PRUNE2: variants seen among roughly 807,000 people sequenced by gnomAD.
The protein encoded by PRUNE2 is protein prune homolog 2.
In PRUNE2, 164 loss-of-function variants were observed where a neutral mutation model predicts 252.0. The ratio of observed to expected loss-of-function variants is 0.65; its 90% CI spans 0.57 to 0.74. PRUNE2 has a LOEUF of 0.74. Ranked by LOEUF, PRUNE2 falls within the 30% of genes least tolerant of loss-of-function variation. PRUNE2 has a pLI of 0.00. For missense variants in PRUNE2, 3,495 were observed against 3,711.0 expected, an observed-to-expected ratio of 0.94 and a Z score of 1.51; for synonymous variants, 1,292 against 1,350.2, an observed-to-expected ratio of 0.96 and a Z score of 0.94.
chr9:76,676,577 C>T (rs2042629068), intron 9 of PRUNE2, among the ~76,000 whole-genome samples: 1 of 152,064 alleles, frequency 6.6e-6, no homozygotes, highest in African/African-American at 2.4e-5. Flanking sequence ...GGAATTCCTA[C>T]ATTTGATTCA....
intron 9 of PRUNE2, among the ~76,000 whole-genome samples, chr9:76,673,384 A>G (rs866964079): frequency 0.016 from 2,332 of 141,556 alleles, 41 homozygotes; most frequent in African/African-American, 0.059. Context: ...TAGACCAATA[A>G]CAGGAGCTGA....
intron 6 of PRUNE2, among the ~76,000 whole-genome samples, chr9:76,792,211 C>T (rs1462752337): frequency 2.6e-5 from 4 of 152,022 alleles, no homozygotes; most frequent in African/African-American, 4.8e-5. Flanking sequence ...ATGCTGTTCT[C>T]GTGATAGTAA....
Position 76,850,406 on chromosome 9 carries a change from T to C in PRUNE2, c.344+57A>G, listed in dbSNP as rs899183227. 9.6e-6 allele frequency: 13 copies of C among 1,355,438 alleles called. No homozygotes were observed. The African/African-American group carries it at 1.7e-4, about 18-fold the overall frequency. 84.0% of individuals were successfully genotyped at this position (1,355,438 alleles called of 1,614,324 possible). On this transcript the variant is annotated intron_variant, in intron 3 of 18. Coordinates refer to ENST00000376718, the MANE Select transcript of PRUNE2 (RefSeq NM_015225.3). ...AAAAGTCCTGAGTAAAGTGACACTT[T>C]GCCCAGTAGAACCTTCATTGAGGGA... is the stretch of plus-strand genomic sequence containing the variant.
At chr9:76,885,741 G>C (rs919961136) in intron 1 of PRUNE2, among the ~76,000 whole-genome samples, 2 of 152,130 alleles carry the variant, frequency 1.3e-5, no homozygotes, top group Non-Finnish European at 2.9e-5. Context: ...GCCTTTGTGA[G>C]TATAGCTAGT....
At chr9:76,753,921 A>G (rs1389451487) in intron 6 of PRUNE2, among the ~76,000 whole-genome samples, 1 of 148,038 alleles carries the variant, frequency 6.8e-6, no homozygotes, top group Non-Finnish European at 1.5e-5. Flanking sequence ...CTGTCTCAGA[A>G]AAAAAAAAAA....
At chr9:76,643,526 G>A (rs180806046) in intron 12 of PRUNE2, among the ~76,000 whole-genome samples, 1 of 152,318 alleles carries the variant, frequency 6.6e-6, no homozygotes, top group African/African-American at 2.4e-5. Flanking sequence ...CCAGCTGTGT[G>A]TCACTTGCAG....
intron 6 of PRUNE2, 77 bp downstream of exon 6, chr9:76,823,555 G>T (rs765672647): frequency 2.4e-6 from 2 of 847,564 alleles, no homozygotes; most frequent in Non-Finnish European, 4.1e-6. Context: ...TTATCCAATG[G>T]AGAGAGTTAC....
chr9:76,730,821 T>C (rs150960970), intron 6 of PRUNE2, among the ~76,000 whole-genome samples: 1,806 of 152,242 alleles, frequency 0.012, 36 homozygotes, highest in African/African-American at 0.039. Context: ...GAGAATCGCT[T>C]GAACTTGGGA....
chr9:76,646,913 G>T (rs1845115641), intron 11 of PRUNE2, among the ~76,000 whole-genome samples: 1 of 152,230 alleles, frequency 6.6e-6, no homozygotes, highest in Admixed American at 6.5e-5. Flanking sequence ...TTTTGATTGG[G>T]TGTGGTGGCT....
In PRUNE2 at chr9:76,709,729, G is replaced by A; in HGVS notation, c.2545C>T (p.Leu849=). 1 of 1,613,992 alleles carries A rather than the reference G, an allele frequency of 6.2e-7. No homozygotes were observed. Among genetic ancestry groups the A allele is most frequent in the Non-Finnish European group, 8.5e-7 (1 of 1,179,892 alleles). Residue 849 remains leucine, a synonymous_variant, in exon 8 of 19, where the codon CTG becomes TTG. Transcript: ENST00000376718. ...TTTATCTCACTGGGTGAATTGTCCAGTAGTTCTGAAGAAGAAAAGGCAAAC... is the reference window on the plus strand; with the variant it reads ...TTTATCTCACTGGGTGAATTGTCCAATAGTTCTGAAGAAGAAAAGGCAAAC... ...SGFAFSSSEL[L]DNSPSEINNE...
intron 1 of PRUNE2, among the ~76,000 whole-genome samples, chr9:76,872,428 A>T (rs543313063): frequency 6.6e-6 from 1 of 152,254 alleles, no homozygotes; most frequent in Admixed American, 6.5e-5. Context: ...AGTGGACAGG[A>T]GCCATTAATT....
rs970012812 is a variant in PRUNE2 at position 76,660,270 on chromosome 9, A to T, written c.8277-4768T>A. Among the ~76,000 whole-genome samples, 5 of 152,146 alleles carry T rather than the reference A, an allele frequency of 3.3e-5. No individual in the cohort carries two copies. The South Asian group carries it at 1.0e-3, about 32-fold the overall frequency. ...CTATATAGGGCTCTGGACCTTCAGGAACTTTCCCCTTAACAAAAAGGGGAT... is the reference window on the plus strand; with the variant it reads ...CTATATAGGGCTCTGGACCTTCAGGTACTTTCCCCTTAACAAAAAGGGGAT... On this transcript the variant is annotated intron_variant, in intron 9 of 18. Coordinates refer to ENST00000376718, the MANE Select transcript of PRUNE2 (RefSeq NM_015225.3).
chr9:76,767,958 A>T (rs2052604001), intron 6 of PRUNE2, among the ~76,000 whole-genome samples: 1 of 152,176 alleles, frequency 6.6e-6, no homozygotes, highest in East Asian at 1.9e-4. Flanking sequence ...TAATAATTGT[A>T]CATTCACATC....
At chr9:76,634,810 T>C (rs1349622710) in intron 15 of PRUNE2, among the ~76,000 whole-genome samples, 1 of 152,252 alleles carries the variant, frequency 6.6e-6, no homozygotes, top group Non-Finnish European at 1.5e-5. Flanking sequence ...TGCTGAATTA[T>C]TAAGCAAACA....
At chr9:76,664,204 C>T (rs1367083688) in intron 9 of PRUNE2, among the ~76,000 whole-genome samples, 1 of 152,218 alleles carries the variant, frequency 6.6e-6, no homozygotes, top group Non-Finnish European at 1.5e-5. Flanking sequence ...GCTTTGTTCT[C>T]TCTTGGGTCT....
chr9:76,896,849 C>T (rs1056216194), intron 1 of PRUNE2, among the ~76,000 whole-genome samples: 2 of 152,192 alleles, frequency 1.3e-5, no homozygotes, highest in South Asian at 4.1e-4. Flanking sequence ...AACCAAATAA[C>T]CTTGGTGGCA....
intron 12 of PRUNE2, among the ~76,000 whole-genome samples, chr9:76,644,296 A>T (rs1418764522): frequency 2.0e-5 from 3 of 149,408 alleles, no homozygotes; most frequent in African/African-American, 2.4e-5. Context: ...GGCTAAGTCT[A>T]AAAAAAAAAT....
rs550468754 is a variant in PRUNE2, at chr9:76,755,056, T to C, written c.757-41335A>G. Among the ~76,000 whole-genome samples the C allele has an allele frequency of 8.5e-5, 13 of 152,048 alleles. No homozygotes were observed. In the South Asian group the frequency reaches 2.7e-3, roughly 32 times the overall value. ...TCCTTATCGCTCTTTTTAATATCATTACTAATTTATCTTTTTTATTCATTC... is the reference window on the plus strand; with the variant it reads ...TCCTTATCGCTCTTTTTAATATCATCACTAATTTATCTTTTTTATTCATTC... On this transcript the variant is annotated intron_variant, in intron 6 of 18. Coordinates refer to ENST00000376718, the MANE Select transcript of PRUNE2 (RefSeq NM_015225.3).
At chr9:76,630,259 TTTG>T (rs1329689328) in intron 15 of PRUNE2, among the ~76,000 whole-genome samples, 2 of 143,996 alleles carry the variant, frequency 1.4e-5, no homozygotes, top group Non-Finnish European at 3.1e-5. Flanking sequence ...TTTAAAAATT[TTTG>T]TTTTTTTTTT....
Sources: gnomAD v4.1 joint callset for allele counts (sites outside exome capture counted in the v4.1 genomes callset) on GRCh38, gnomAD v4.1.1 for gene constraint, MANE v1.5 for transcripts, NCBI Gene and HGNC (gene_info 2026-07-23, HGNC 2026-07-21) for gene names.